The following MTF1 variants were observed in gnomAD, a reference collection of about 807,000 sequenced individuals.
The protein encoded by MTF1 is MRE-binding transcription factor.
In MTF1, 22 loss-of-function variants were observed where a neutral mutation model predicts 70.4. The ratio of observed to expected loss-of-function variants is 0.31; its 90% CI spans 0.22 to 0.45. The LOEUF is 0.45. Ranked by LOEUF, MTF1 falls within the 20% of genes least tolerant of loss-of-function variation. MTF1 has a pLI of 1.00. For missense variants in MTF1, 649 were observed against 922.0 expected, an observed-to-expected ratio of 0.70 and a Z score of 3.83; for synonymous variants, 333 against 352.8, an observed-to-expected ratio of 0.94 and a Z score of 0.63.
At chr1:37,843,745 G>C (rs1345821762) in intron 2 of MTF1, among the ~76,000 whole-genome samples, 1 of 152,166 alleles carries the variant, frequency 6.6e-6, no homozygotes, top group Non-Finnish European at 1.5e-5. Context: ...TTAGGCTCAA[G>C]GGCTGTGCAA....
intron 9 of MTF1, among the ~76,000 whole-genome samples, chr1:37,820,306 C>G (rs1162741094): frequency 6.6e-6 from 1 of 152,208 alleles, no homozygotes; most frequent in Non-Finnish European, 1.5e-5. Context: ...TAATTCCTAC[C>G]CATATCTCAA....
rs1444856127 is a variant in MTF1, at chr1:37,811,493, T to C, written c.*3643A>G. ...AATAAAACTTTGTGGAAAGTATATA[T>C]ATGTATATATACACACAAAAGAAAT... is the stretch of plus-strand genomic sequence containing the variant. On this transcript the variant is annotated 3_prime_UTR_variant, in exon 11 of 11. Transcript: ENST00000373036. 6.6e-6 allele frequency: 1 copy of C among 152,638 alleles called. No individual in the cohort carries two copies. The highest frequency in any genetic ancestry group is 1.5e-5 in the Non-Finnish European group (1 of 68,044). The allele number at this position is 152,638 out of a possible 1,614,324, so 9.5% of individuals were successfully genotyped here. A position where few individuals can be genotyped will look rare whatever the true frequency, so the allele number is the denominator to read the frequency against.
chr1:37,832,723 G>C (rs1210979218), intron 6 of MTF1, among the ~76,000 whole-genome samples: 1 of 152,082 alleles, frequency 6.6e-6, no homozygotes, highest in Non-Finnish European at 1.5e-5. Flanking sequence ...AAGAGTTTTA[G>C]AGGCTGAGAG....
intron 2 of MTF1, among the ~76,000 whole-genome samples, chr1:37,845,236 T>C (rs925839548): frequency 6.6e-6 from 1 of 152,196 alleles, no homozygotes; most frequent in Non-Finnish European, 1.5e-5. Context: ...GACAAAGGAA[T>C]AGTTTCAAGG....
intron 9 of MTF1, among the ~76,000 whole-genome samples, chr1:37,818,532 A>G (rs1230514182): frequency 6.6e-6 from 1 of 151,144 alleles, no homozygotes; most frequent in African/African-American, 2.4e-5. Flanking sequence ...GTGAAACTCC[A>G]TCTCTACTAA....
intron 5 of MTF1, 34 bp from the exon 6 acceptor site, chr1:37,835,249 T>C: frequency 1.3e-6 from 2 of 1,592,842 alleles, no homozygotes; most frequent in Non-Finnish European, 1.7e-6. Flanking sequence ...TAATTTACCA[T>C]AAAGTCATTT....
chr1:37,835,806 CTTTTT>C, intron 4 of MTF1, 62 bp from the exon 5 acceptor site: 1 of 1,052,820 alleles, frequency 9.5e-7, no homozygotes, highest in Non-Finnish European at 1.4e-6. Flanking sequence ...TCCTGAACGT[CTTTTT>C]TTTTTTTGAG....
intron 4 of MTF1, among the ~76,000 whole-genome samples, chr1:37,838,145 G>C (rs1006917462): frequency 6.6e-6 from 1 of 152,032 alleles, no homozygotes; most frequent in South Asian, 2.1e-4. Flanking sequence ...ACTAAGCTAA[G>C]CATCCCTACC....
In MTF1 at chr1:37,817,456, C is replaced by A. The variant is rs758687435; in HGVS notation, c.1794G>T (p.Val598=). 2 of 1,612,950 alleles carry A rather than the reference C, an allele frequency of 1.2e-6. No individual in the cohort carries two copies. The highest frequency in any genetic ancestry group is 2.2e-5 in the East Asian group (1 of 44,880). ...QIQQASKVEK[V]FFTTAVPVAS... is the part of the protein sequence containing the mutation. ...CTACTGGTACTGCAGTGGTAAAAAA[C>A]ACCTTCTCAACTTTAGATGCTTGCT... The change falls in exon 10 of 11, where the codon GTG becomes GTT. Residue 598 remains valine (V), a synonymous_variant. Transcript: ENST00000373036.
intron 7 of MTF1, among the ~76,000 whole-genome samples, chr1:37,825,127 G>A (rs1392730742): frequency 6.6e-6 from 1 of 152,172 alleles, no homozygotes; most frequent in Non-Finnish European, 1.5e-5. Context: ...AGGGAGGTGG[G>A]TTGTGGCATA....
At chr1:37,835,795 A>T in intron 4 of MTF1, 51 bp from the exon 5 acceptor site, 2 of 1,431,708 alleles carry the variant, frequency 1.4e-6, no homozygotes, top group Admixed American at 1.7e-5. Flanking sequence ...ATAGATCTTT[A>T]TCCTGAACGT....
In MTF1 at chr1:37,838,797, C is replaced by CTTTTTTTTTTTTTTTTTTTTTTTTTTTTT. The variant is rs746478428; in HGVS notation, c.648-42_648-41insAAAAAAAAAAAAAAAAAAAAAAAAAAAAA. ...GAAAAATTCCCTTTGTCATAAAATT[C>CTTTTTTTTTTTTTTTTTTTTTTTTTTTTT]TTTTTTTTTTTTTTTTTTTTTTCTG... On this transcript the variant is annotated intron_variant, in intron 3 of 10. Coordinates refer to ENST00000373036, the MANE Select transcript of MTF1 (RefSeq NM_005955.3). The CTTTTTTTTTTTTTTTTTTTTTTTTTTTTT allele has an allele frequency of 6.7e-5, 32 of 474,732 alleles. 7 individuals are homozygous for CTTTTTTTTTTTTTTTTTTTTTTTTTTTTT. Among genetic ancestry groups the CTTTTTTTTTTTTTTTTTTTTTTTTTTTTT allele is most frequent in the Middle Eastern group, 6.7e-4 (1 of 1,482 alleles). The allele number at this position is 474,732 out of a possible 1,614,324, so 29.4% of individuals were successfully genotyped here. A position where few individuals can be genotyped will look rare whatever the true frequency, so the allele number is the denominator to read the frequency against.
chr1:37,823,726 T>G lies in MTF1; in HGVS notation c.1155A>C (p.Glu385Asp). 6.2e-7 allele frequency: 1 copy of G among 1,613,760 alleles called. No individual in the cohort carries two copies. Among genetic ancestry groups the G allele is most frequent in the Non-Finnish European group, 8.5e-7 (1 of 1,179,654 alleles). The change falls in exon 8 of 11, where the codon GAA becomes GAC. Residue 385 changes from glutamate to aspartate, a missense_variant. By Grantham distance (45) the Glu-to-Asp change is conservative (BLOSUM62 2). Transcript: ENST00000373036. ...FQNSDDTAIQ[E>D]DPQQTASLTE... ...GTGACAAACCTGTCTGTTGAGGATC[T>G]TCCTGAATTGCCGTATCATCTGAAT...
intron 3 of MTF1, among the ~76,000 whole-genome samples, chr1:37,839,346 C>A (rs1641222045): frequency 6.6e-6 from 1 of 152,154 alleles, no homozygotes; most frequent in Non-Finnish European, 1.5e-5. Flanking sequence ...CCCCTCTGTG[C>A]TTCCATTTAC....
chr1:37,835,654 A>T lies in MTF1; in HGVS notation c.853+17T>A. The T allele has an allele frequency of 6.2e-7, 1 of 1,611,730 alleles. No homozygotes were observed. The highest frequency in any genetic ancestry group is 1.1e-5 in the South Asian group (1 of 91,036). The stretch of plus-strand genomic sequence containing the variant: ...ATAGTTACAGGCTTGATGAAACAAA[A>T]ATTGGCCTAAACTCACCAGTATGTG... On this transcript the variant is annotated intron_variant, in intron 5 of 10. Transcript: ENST00000373036.
intron 9 of MTF1, among the ~76,000 whole-genome samples, chr1:37,820,010 GA>G (rs1313953937): frequency 7.7e-6 from 1 of 130,132 alleles, no homozygotes; most frequent in African/African-American, 3.0e-5. Context: ...CTAAATATCT[GA>G]AAAGAAAATG....
chr1:37,827,336 G>GTTATTATTATTATTATTATTA (rs71573764), intron 7 of MTF1, among the ~76,000 whole-genome samples: 1 of 144,080 alleles, frequency 6.9e-6, no homozygotes, highest in African/African-American at 2.6e-5. Flanking sequence ...CCTCATAGTT[G>GTTATTATTATTATTATTATTA]TTATTATTAT....
In MTF1 at chr1:37,812,466, C is replaced by T. The variant is rs1640752069; in HGVS notation, c.*2670G>A. 6.6e-6 allele frequency: 1 copy of T among 152,268 alleles called. No individual in the cohort carries two copies. Among genetic ancestry groups the T allele is most frequent in the Non-Finnish European group, 1.5e-5 (1 of 68,028 alleles). 9.4% of individuals were successfully genotyped at this position (152,268 alleles called of 1,614,324 possible). On this transcript the variant is annotated 3_prime_UTR_variant, in exon 11 of 11. Transcript: ENST00000373036. ...AGTCTCTCTTGTAATCTAGAGTCAC[C>T]CTCAAAAGGCAGATACTTCAGCTTC...
rs548906343 is a variant in MTF1 at position 37,815,166 on chromosome 1, C to T, written c.2232G>A (p.Glu744=). The change falls in exon 11 of 11, where the codon GAG becomes GAA. Residue 744 remains glutamate (E), a synonymous_variant. Transcript: ENST00000373036. The surrounding 1 kb of genome is among the most constrained non-coding windows in gnomAD (Gnocchi z 4.5). ...TGGAGAAGCTGCTGGTGAGGCCCAT[C>T]TCCTCCTCCCCCTGCAGTAGTGCTT... ...PIEALLQGEE[E]MGLTSSFSK is the part of the protein sequence containing the mutation. The T allele has an allele frequency of 3.1e-5, 50 of 1,614,152 alleles. No individual in the cohort carries two copies. The African/African-American group carries it at 6.5e-4, about 21-fold the overall frequency.
Sources: allele counts gnomAD v4.1 joint callset (sites outside exome capture counted in the v4.1 genomes callset), GRCh38; gene constraint gnomAD v4.1.1; non-coding constraint Gnocchi (gnomAD v3.1); transcripts MANE v1.5; gene names NCBI Gene and HGNC (gene_info 2026-07-23, HGNC 2026-07-21).